JAZF1: variants seen among roughly 807,000 people sequenced by gnomAD.
JAZF1 encodes the protein JAZF zinc finger 1.
Under a neutral mutation model 26.4 loss-of-function variants are expected in JAZF1, and 8 were observed. That is an observed-to-expected ratio of 0.30 (90% CI 0.18 to 0.55). The LOEUF (loss-of-function observed/expected upper bound fraction) is 0.55, where lower values mean the gene tolerates loss of function less well. JAZF1 is among the 20% of genes least tolerant of loss of function. The probability of loss-of-function intolerance (pLI) is 0.94; values close to 1 mark genes in which losing one functional copy is unlikely to be tolerated. For missense variants in JAZF1, 199 were observed against 322.0 expected (o/e 0.62, Z 2.92); for synonymous variants, 126 against 122.3 (o/e 1.03, Z -0.20).
chr7:27,922,292 T>C (rs200655430), intron 2 of JAZF1, among the ~76,000 whole-genome samples: 2 of 152,238 alleles, frequency 1.3e-5, no homozygotes, highest in East Asian at 3.8e-4. Flanking sequence ...TCGCCCAGGC[T>C]GGAGTGCAGT....
intron 1 of JAZF1, among the ~76,000 whole-genome samples, chr7:28,125,260 C>G (rs529145395): frequency 3.7e-4 from 56 of 150,642 alleles, no homozygotes; most frequent in African/African-American, 1.3e-3. Flanking sequence ...ATTCAGTTTT[C>G]CCCCCTAAAG....
chr7:27,900,036 T>C (rs1180728381), intron 2 of JAZF1, among the ~76,000 whole-genome samples: 1 of 152,312 alleles, frequency 6.6e-6, no homozygotes, highest in Admixed American at 6.5e-5. Flanking sequence ...TCCATCCTGC[T>C]GTGTGGGACC....
chr7:28,103,417 C>A (rs990548983), intron 1 of JAZF1, among the ~76,000 whole-genome samples: 8 of 152,114 alleles, frequency 5.3e-5, no homozygotes, highest in African/African-American at 1.9e-4. Flanking sequence ...TGAAAAGCCA[C>A]TGCACTCCAG....
intron 1 of JAZF1, among the ~76,000 whole-genome samples, chr7:28,124,107 G>A (rs1310923548): frequency 1.3e-5 from 2 of 152,110 alleles, no homozygotes; most frequent in Non-Finnish European, 1.5e-5. Flanking sequence ...TTTGGAGATA[G>A]GGCCTTTAAA....
intron 1 of JAZF1, among the ~76,000 whole-genome samples, chr7:28,084,175 G>C (rs1784179390): frequency 6.6e-6 from 1 of 152,170 alleles, no homozygotes; most frequent in Non-Finnish European, 1.5e-5. Flanking sequence ...GGAAGGAAGA[G>C]AGGGAGTTTC....
At chr7:28,164,996 C>T (rs1783344355) in intron 1 of JAZF1, among the ~76,000 whole-genome samples, 1 of 152,040 alleles carries the variant, frequency 6.6e-6, no homozygotes. Flanking sequence ...CAGGGAGACC[C>T]CATCTCTACA....
At chr7:28,127,511 A>T (rs1782716571) in intron 1 of JAZF1, among the ~76,000 whole-genome samples, 1 of 152,184 alleles carries the variant, frequency 6.6e-6, no homozygotes, top group Non-Finnish European at 1.5e-5. Context: ...ACCCTTAGAG[A>T]GAAACACCAC....
intron 1 of JAZF1, among the ~76,000 whole-genome samples, chr7:28,162,149 T>C (rs1366954130): frequency 1.3e-5 from 2 of 152,232 alleles, no homozygotes; most frequent in South Asian, 2.1e-4. Context: ...AGGCAGGAAC[T>C]TGCTAACTGT....
At position 28,114,415 on chromosome 7, in the gene JAZF1, T is replaced by C. The variant is rs1329443655; in HGVS notation, c.115+66048A>G. Among the ~76,000 whole-genome samples the C allele has an allele frequency of 8.6e-5, 13 of 151,602 alleles. No homozygotes were observed. The East Asian group carries it at 2.5e-3, about 30-fold the overall frequency. On this transcript the variant is annotated intron_variant, in intron 1 of 4. Transcript: ENST00000283928. ...GACATCTCTGCAGTTTGTAATCTTC[T>C]GCTTGCAGGGAGGCTGGCTTGTTCA...
At position 28,173,062 on chromosome 7, in the gene JAZF1, C is replaced by T. The variant is rs143267110; in HGVS notation, c.115+7401G>A. On this transcript the variant is annotated intron_variant, in intron 1 of 4. Coordinates refer to ENST00000283928, the MANE Select transcript of JAZF1 (RefSeq NM_175061.4). ...TTATGATCCCATGAAGGCCCAGCTA[C>T]GTATACTGCTAGGGCTCCTCCAGGG... Among the ~76,000 whole-genome samples the T allele has an allele frequency of 1.8e-3, 268 of 152,310 alleles. 1 individual carries two copies. Among genetic ancestry groups the T allele is most frequent in the African/African-American group, 6.2e-3 (259 of 41,562 alleles).
At chr7:27,949,918 A>C (rs1243719007) in intron 2 of JAZF1, among the ~76,000 whole-genome samples, 1 of 152,214 alleles carries the variant, frequency 6.6e-6, no homozygotes, top group Non-Finnish European at 1.5e-5. Context: ...GGTCAAAATT[A>C]TCTCTCCACT....
At chr7:28,073,565 A>G (rs577516051) in intron 1 of JAZF1, among the ~76,000 whole-genome samples, 1 of 152,264 alleles carries the variant, frequency 6.6e-6, no homozygotes, top group Admixed American at 6.5e-5. Context: ...TTCTCCCGGG[A>G]GACAATTTCA....
chr7:27,976,576 G>A (rs1475346915), intron 2 of JAZF1, among the ~76,000 whole-genome samples: 1 of 152,058 alleles, frequency 6.6e-6, no homozygotes, highest in African/African-American at 2.4e-5. Flanking sequence ...ACAAACTTCA[G>A]TCTGGAGCTG....
At chr7:28,067,723 T>C (rs769403341) in intron 1 of JAZF1, among the ~76,000 whole-genome samples, 1 of 152,180 alleles carries the variant, frequency 6.6e-6, no homozygotes, top group East Asian at 1.9e-4. Context: ...ATTTGTTAAA[T>C]CTCAGTGTCA....
intron 1 of JAZF1, among the ~76,000 whole-genome samples, chr7:28,151,604 C>G (rs1783112810): frequency 1.3e-5 from 2 of 151,302 alleles, no homozygotes; most frequent in South Asian, 4.2e-4. Flanking sequence ...AGTTTGAGAC[C>G]AGCCTGACCA....
At chr7:27,945,955 C>T (rs1265957841) in intron 2 of JAZF1, among the ~76,000 whole-genome samples, 2 of 152,138 alleles carry the variant, frequency 1.3e-5, no homozygotes, top group Non-Finnish European at 2.9e-5. Flanking sequence ...TCAATAGAAA[C>T]AGTACTTTGA....
intron 1 of JAZF1, among the ~76,000 whole-genome samples, chr7:28,108,270 C>G (rs1012738053): frequency 1.3e-5 from 2 of 152,182 alleles, no homozygotes; most frequent in Non-Finnish European, 2.9e-5. Flanking sequence ...TTGGATTAAC[C>G]TTCCAACCTC....
chr7:28,086,916 T>C (rs1784220465), intron 1 of JAZF1, among the ~76,000 whole-genome samples: 1 of 152,204 alleles, frequency 6.6e-6, no homozygotes, highest in African/African-American at 2.4e-5. Context: ...AGTAGTATTA[T>C]AAGGGTGATG....
intron 2 of JAZF1, among the ~76,000 whole-genome samples, chr7:27,950,693 T>C (rs1784994472): frequency 6.6e-6 from 1 of 152,182 alleles, no homozygotes; most frequent in Non-Finnish European, 1.5e-5. Context: ...TTCTGTATTG[T>C]CCAAGGGACC....
Sources: allele counts gnomAD v4.1 joint callset (sites outside exome capture counted in the v4.1 genomes callset), GRCh38; gene constraint gnomAD v4.1.1; transcripts MANE v1.5; gene names NCBI Gene and HGNC (gene_info 2026-07-23, HGNC 2026-07-21).